Variants in DCT observed in about 807,000 individuals in gnomAD.
DCT encodes dopachrome tautomerase.
Under a neutral mutation model 53.0 loss-of-function variants are expected in DCT, and 47 were observed. The observed-to-expected ratio is 0.89, with a 90% CI of 0.70 to 1.13. The LOEUF is 1.13. DCT is among the 50% of genes most tolerant of loss of function. DCT has a pLI of 0.00. For missense variants in DCT, 669 were observed against 637.4 expected, an observed-to-expected ratio of 1.05 and a Z score of -0.53; for synonymous variants, 244 against 237.0, an observed-to-expected ratio of 1.03 and a Z score of -0.27.
intron 6 of DCT, among the ~76,000 whole-genome samples, chr13:94,444,059 T>C (rs1269507607): frequency 6.6e-6 from 1 of 152,168 alleles, no homozygotes; most frequent in Non-Finnish European, 1.5e-5. Context: ...TTGAGATGAT[T>C]TGGTTTAACA....
intron 1 of DCT, among the ~76,000 whole-genome samples, chr13:94,473,010 T>C (rs1282516498): frequency 6.6e-6 from 1 of 152,154 alleles, no homozygotes; most frequent in Non-Finnish European, 1.5e-5. Context: ...ATCACGTCAG[T>C]TTTTCCCCCT....
At chr13:94,484,747 C>T in the DCT span, among the ~76,000 whole-genome samples, 4 of 152,238 alleles carry the variant, frequency 2.6e-5, no homozygotes, top group African/African-American at 9.6e-5. Context: ...GAACACTGGT[C>T]AGATTGAGGC....
At chr13:94,455,186 C>A (rs1883329424) in intron 6 of DCT, among the ~76,000 whole-genome samples, 1 of 151,990 alleles carries the variant, frequency 6.6e-6, no homozygotes, top group African/African-American at 2.4e-5. Flanking sequence ...TGAGACCAGC[C>A]TAGGCAACAT....
chr13:94,459,019 G>A (rs1202556265), intron 6 of DCT, among the ~76,000 whole-genome samples: 1 of 151,704 alleles, frequency 6.6e-6, no homozygotes, highest in Non-Finnish European at 1.5e-5. Flanking sequence ...TGGAACCACA[G>A]GTGCATGCTA....
Position 94,479,276 on chromosome 13 carries a change from T to G in DCT, c.-21A>C. 7.2e-7 allele frequency: 1 copy of G among 1,386,670 alleles called. No individual in the cohort carries two copies. 85.9% of individuals were successfully genotyped at this position (1,386,670 alleles called of 1,614,324 possible). On this transcript the variant is annotated 5_prime_UTR_variant, in exon 1 of 8. Transcript: ENST00000377028. ...CTCATGGCTTTATAATTGGGAGAGC[T>G]CTCTCTCTCTCTTACTTTCCTTGTC...
chr13:94,441,947 T>G (rs1233479870), intron 7 of DCT, among the ~76,000 whole-genome samples: 1 of 152,170 alleles, frequency 6.6e-6, no homozygotes, highest in Admixed American at 6.5e-5. Context: ...GCTGCACCAT[T>G]TTACATTCCC....
intron 7 of DCT, among the ~76,000 whole-genome samples, chr13:94,443,211 T>C (rs1276142111): frequency 6.6e-6 from 1 of 152,144 alleles, no homozygotes; most frequent in African/African-American, 2.4e-5. Context: ...AAACTTTCAG[T>C]TTTCTAAAAC....
chr13:94,547,846 C>T, the DCT span, among the ~76,000 whole-genome samples: 3 of 150,586 alleles, frequency 2.0e-5, no homozygotes, highest in South Asian at 2.1e-4. Flanking sequence ...AGAAATTAGC[C>T]GGGCATGGTG....
chr13:94,518,161 G>GGAAT, the DCT span, among the ~76,000 whole-genome samples: 7 of 107,314 alleles, frequency 6.5e-5, no homozygotes, highest in African/African-American at 3.0e-4. Context: ...AAGGAATGAA[G>GGAAT]GAAGGAAGGA....
chr13:94,446,102 G>A (rs1408856450), intron 6 of DCT, among the ~76,000 whole-genome samples: 1 of 152,210 alleles, frequency 6.6e-6, no homozygotes, highest in African/African-American at 2.4e-5. Context: ...AACGGGGATA[G>A]TGACGCAGCT....
In DCT at chr13:94,460,170, C is replaced by T. The variant is rs769800507; in HGVS notation, c.1100G>A (p.Ser367Asn). The T allele has an allele frequency of 5.0e-6, 8 of 1,613,776 alleles. No individual in the cohort carries two copies. Among genetic ancestry groups the T allele is most frequent in the South Asian group, 1.1e-5 (1 of 91,062 alleles). Reference sequence around the variant, plus strand: ...GAAGGAATGAACCAAATTATGAAGGCTCATCACTTGAGAATCCAGAGTCCC... The same window carrying T: ...GAAGGAATGAACCAAATTATGAAGGTTCATCACTTGAGAATCCAGAGTCCC... ...ADGTLDSQVMSLHNLVHSFLN... is the reference protein window; with the variant it reads ...ADGTLDSQVMNLHNLVHSFLN... The change falls in exon 6 of 8, where the codon AGC (serine) becomes AAC (asparagine). Residue 367 changes from serine to asparagine, a missense_variant. Ser to Asn is a conservative substitution (Grantham distance 46). Transcript: ENST00000377028.
At chr13:94,468,456 A>G in intron 2 of DCT, 1 of 295,744 alleles carries the variant, frequency 3.4e-6, no homozygotes. Context: ...CCTCCACCTC[A>G]CCAACTCACA....
the DCT span, among the ~76,000 whole-genome samples, chr13:94,533,599 A>T: frequency 1.3e-5 from 2 of 152,202 alleles, no homozygotes; most frequent in Non-Finnish European, 2.9e-5. Flanking sequence ...AGCCTGGCCA[A>T]CATAGTGAAA....
chr13:94,536,362 G>T, the DCT span, among the ~76,000 whole-genome samples: 1 of 152,152 alleles, frequency 6.6e-6, no homozygotes, highest in South Asian at 2.1e-4. Context: ...GCCTGCTAAA[G>T]ACCAACCCAG....
chr13:94,511,340 A>T, the DCT span, among the ~76,000 whole-genome samples: 19 of 146,068 alleles, frequency 1.3e-4, no homozygotes, highest in Middle Eastern at 7.4e-3. Context: ...CCCTGCACCT[A>T]CATAACTTTC....
intron 1 of DCT, among the ~76,000 whole-genome samples, chr13:94,469,893 G>C (rs1260116947): frequency 6.6e-6 from 1 of 152,140 alleles, no homozygotes; most frequent in African/African-American, 2.4e-5. Context: ...TGGCCAACAT[G>C]GTGAAACCTC....
the DCT span, among the ~76,000 whole-genome samples, chr13:94,501,239 A>G: frequency 1.3e-5 from 2 of 152,196 alleles, no homozygotes; most frequent in Non-Finnish European, 2.9e-5. Flanking sequence ...ACTGCACTCC[A>G]GCCTGGGTGA....
At position 94,459,956 on chromosome 13, in the gene DCT, T is replaced by A. The variant is rs571591735; in HGVS notation, c.1179+135A>T. The A allele has an allele frequency of 2.8e-5, 27 of 979,812 alleles. 1 individual carries two copies. In the South Asian group the frequency reaches 3.5e-4, roughly 13 times the overall value. The allele number at this position is 979,812 out of a possible 1,614,324, so 60.7% of individuals were successfully genotyped here. A position where few individuals can be genotyped will look rare whatever the true frequency, so the allele number is the denominator to read the frequency against. Reference sequence around the variant, plus strand: ...ACCTAACCATCCCTATGGTATAGATTGAAATTAATTTACATTTGCACACAT... The same window carrying A: ...ACCTAACCATCCCTATGGTATAGATAGAAATTAATTTACATTTGCACACAT... On this transcript the variant is annotated intron_variant, in intron 6 of 7. Coordinates refer to ENST00000377028, the MANE Select transcript of DCT (RefSeq NM_001922.5).
the DCT span, among the ~76,000 whole-genome samples, chr13:94,520,785 G>T: frequency 1.3e-5 from 2 of 152,190 alleles, no homozygotes; most frequent in African/African-American, 2.4e-5. Flanking sequence ...CAGTAGTAAA[G>T]TCAGATGGAG....
Sources: gnomAD v4.1 joint callset for allele counts (sites outside exome capture counted in the v4.1 genomes callset) on GRCh38, gnomAD v4.1.1 for gene constraint, MANE v1.5 for transcripts, NCBI Gene and HGNC (gene_info 2026-07-23, HGNC 2026-07-21) for gene names.